GALNT10: variants seen among roughly 807,000 people sequenced by gnomAD.
GALNT10 encodes polypeptide N-acetylgalactosaminyltransferase 10, also known as GalNAc transferase 10.
GALNT10 carries 41 observed loss-of-function variants against 75.0 expected under a neutral mutation model. The observed-to-expected ratio is 0.55, with a 90% CI of 0.43 to 0.71. The LOEUF (loss-of-function observed/expected upper bound fraction) is 0.71, where lower values mean the gene tolerates loss of function less well. Among genes scored for constraint, GALNT10 ranks in the 30% least tolerant of loss-of-function variants. The pLI, the probability that GALNT10 is intolerant of heterozygous loss-of-function variation, is 0.00. For missense variants in GALNT10, 727 were observed against 818.5 expected, an observed-to-expected ratio of 0.89 and a Z score of 1.36; for synonymous variants, 302 against 313.0, an observed-to-expected ratio of 0.96 and a Z score of 0.37.
chr5:154,385,905 C>G (rs977259164), intron 6 of GALNT10, among the ~76,000 whole-genome samples: 12 of 152,168 alleles, frequency 7.9e-5, no homozygotes, highest in African/African-American at 2.9e-4. Flanking sequence ...GCCCAGCGAG[C>G]TGTATATTTT....
At chr5:154,261,895 A>G (rs1165138008) in intron 1 of GALNT10, among the ~76,000 whole-genome samples, 1 of 152,162 alleles carries the variant, frequency 6.6e-6, no homozygotes, top group Non-Finnish European at 1.5e-5. Flanking sequence ...AGAATGAATG[A>G]ATTAACCTCA....
At position 154,415,840 on chromosome 5, in the gene GALNT10, A is replaced by T; in HGVS notation, c.1561A>T (p.Lys521Ter). 6.2e-7 allele frequency: 1 copy of T among 1,614,100 alleles called. No homozygotes were observed. The highest frequency in any genetic ancestry group is 8.5e-7 in the Non-Finnish European group (1 of 1,179,964). ...IRPGDPQHTK[K>*]FCFDAISHTS... ...GCCTGGAGACCCCCAGCACACCAAG[A>T]AGTTCTGCTTTGATGCCATTTCCCA... Residue 521 changes from lysine to a stop codon, truncating the protein, a stop_gained, in exon 11 of 12, where the codon AAG becomes TAG. Coordinates refer to ENST00000297107, the MANE Select transcript of GALNT10 (RefSeq NM_198321.4). LOFTEE classifies it high-confidence loss of function.
At chr5:154,400,570 T>G (rs1231623823) in intron 7 of GALNT10, among the ~76,000 whole-genome samples, 1 of 152,160 alleles carries the variant, frequency 6.6e-6, no homozygotes, top group African/African-American at 2.4e-5. Flanking sequence ...AGGGAGAAGG[T>G]GCACTGGACA....
intron 1 of GALNT10, among the ~76,000 whole-genome samples, chr5:154,192,974 G>A (rs1384345996): frequency 6.6e-6 from 1 of 152,190 alleles, no homozygotes; most frequent in Non-Finnish European, 1.5e-5. Context: ...GTGCAAGAGG[G>A]TATTGATAGA....
chr5:154,312,125 G>A (rs1356633115), intron 3 of GALNT10, among the ~76,000 whole-genome samples: 10 of 152,166 alleles, frequency 6.6e-5, no homozygotes, highest in Non-Finnish European at 1.5e-4. Flanking sequence ...ATTTCTAAGT[G>A]GTGTTGGCCT....
intron 1 of GALNT10, among the ~76,000 whole-genome samples, chr5:154,242,064 C>T (rs1028256916): frequency 1.1e-4 from 16 of 152,158 alleles, no homozygotes; most frequent in African/African-American, 3.9e-4. Context: ...ATGTGACTGG[C>T]TCTGTGAAGT....
chr5:154,354,673 C>T (rs969054661), intron 4 of GALNT10, among the ~76,000 whole-genome samples: 3 of 152,030 alleles, frequency 2.0e-5, no homozygotes, highest in African/African-American at 4.8e-5. Flanking sequence ...CTGGGGCATT[C>T]GGGTGGGGGG....
At chr5:154,360,190 C>T (rs1186995087) in intron 4 of GALNT10, among the ~76,000 whole-genome samples, 1 of 152,168 alleles carries the variant, frequency 6.6e-6, no homozygotes, top group African/African-American at 2.4e-5. Flanking sequence ...TGGCTCACAC[C>T]TGTAATCCCA....
chr5:154,196,380 A>G (rs1774939692), intron 1 of GALNT10, among the ~76,000 whole-genome samples: 1 of 152,232 alleles, frequency 6.6e-6, no homozygotes, highest in African/African-American at 2.4e-5. Flanking sequence ...CAGATTCTCT[A>G]TCAGTTGCAA....
At chr5:154,279,408 A>G (rs1048160422) in intron 1 of GALNT10, among the ~76,000 whole-genome samples, 1 of 151,226 alleles carries the variant, frequency 6.6e-6, no homozygotes, top group African/African-American at 2.4e-5. Context: ...GGTTCAAGTA[A>G]TTCTCCTGCC....
At chr5:154,371,266 G>A (rs1156574862) in intron 4 of GALNT10, among the ~76,000 whole-genome samples, 1 of 152,080 alleles carries the variant, frequency 6.6e-6, no homozygotes, top group African/African-American at 2.4e-5. Context: ...TTGGATGAGT[G>A]CCCACCCTAA....
In GALNT10 at chr5:154,347,751, G is replaced by A. The variant is rs368224274; in HGVS notation, c.568+18013G>A. 9.9e-5 allele frequency among the ~76,000 whole-genome samples: 15 copies of A among 152,220 alleles called. No homozygotes were observed. In the East Asian group the frequency reaches 1.9e-3, roughly 20 times the overall value. On this transcript the variant is annotated intron_variant, in intron 4 of 11. Coordinates refer to ENST00000297107, the MANE Select transcript of GALNT10 (RefSeq NM_198321.4). ...TTAGCACTTTGACTTTGAAAATCAG[G>A]GACCAGGTTGAGCCAGACAAAATAT...
chr5:154,360,225 G>A (rs1391504093), intron 4 of GALNT10, among the ~76,000 whole-genome samples: 23 of 152,038 alleles, frequency 1.5e-4, no homozygotes, highest in African/African-American at 3.6e-4. Flanking sequence ...TGAGGCAGGC[G>A]GATCACTTGA....
At chr5:154,398,255 G>T (rs1378523994) in intron 7 of GALNT10, among the ~76,000 whole-genome samples, 3 of 152,380 alleles carry the variant, frequency 2.0e-5, no homozygotes, top group African/African-American at 7.2e-5. Context: ...TCCCCCTACA[G>T]GGGTGGGAGT....
rs554498680 is a variant in GALNT10, at chr5:154,376,645, T to C, written c.754+183T>C. Among the ~76,000 whole-genome samples the C allele has an allele frequency of 2.6e-5, 4 of 152,206 alleles. No individual in the cohort carries two copies. The East Asian group carries it at 5.8e-4, about 22-fold the overall frequency. On this transcript the variant is annotated intron_variant, in intron 5 of 11. Transcript: ENST00000297107. The surrounding 1 kb of genome is among the most constrained non-coding windows in gnomAD (Gnocchi z 4.1). ...GTGCTCAAAATTAAAATCCAGCCAG[T>C]CCTGTCCCTTCATTTCACAGAGAAG...
intron 3 of GALNT10, 31 bp from the exon 4 acceptor site, chr5:154,329,541 G>A: frequency 6.3e-7 from 1 of 1,593,242 alleles, no homozygotes; most frequent in Non-Finnish European, 8.6e-7. Flanking sequence ...AGCTGACCCT[G>A]TCCTCTGCCT....
intron 1 of GALNT10, among the ~76,000 whole-genome samples, chr5:154,273,703 G>A (rs1753906456): frequency 6.6e-6 from 1 of 152,132 alleles, no homozygotes; most frequent in Admixed American, 6.5e-5. Context: ...GTACCCTTTT[G>A]GCTGCATCTT....
chr5:154,249,265 T>C lies in GALNT10; in HGVS notation c.160-45551T>C, dbSNP rs571273743. On this transcript the variant is annotated intron_variant, in intron 1 of 11. Coordinates refer to ENST00000297107, the MANE Select transcript of GALNT10 (RefSeq NM_198321.4). ...GATGTGGAGCCTGAGAATTTGCATT[T>C]CTAATAAGTTTCTAGGAGATGCTAA... Among the ~76,000 whole-genome samples, 137 of 152,316 alleles carry C rather than the reference T, an allele frequency of 9.0e-4. 1 individual carries two copies. Among genetic ancestry groups the C allele is most frequent in the African/African-American group, 3.1e-3 (129 of 41,576 alleles).
chr5:154,235,951 T>A (rs186835147), intron 1 of GALNT10, among the ~76,000 whole-genome samples: 1 of 152,306 alleles, frequency 6.6e-6, no homozygotes, highest in East Asian at 1.9e-4. Context: ...ATCCTTTGTA[T>A]TTTCTAAAAG....
Sources: gnomAD v4.1 joint callset for allele counts (sites outside exome capture counted in the v4.1 genomes callset) on GRCh38, gnomAD v4.1.1 for gene constraint, Gnocchi (gnomAD v3.1) non-coding constraint, MANE v1.5 for transcripts, NCBI Gene and HGNC (gene_info 2026-07-23, HGNC 2026-07-21) for gene names.